LRSAM1: variants seen among roughly 807,000 people sequenced by gnomAD.
The protein encoded by LRSAM1 is leucine rich repeat and sterile alpha motif containing 1.
LRSAM1 carries 96 observed loss-of-function variants against 118.1 expected under a neutral mutation model. That is an observed-to-expected ratio of 0.81 (90% CI 0.69 to 0.96). The LOEUF (loss-of-function observed/expected upper bound fraction) is 0.96, where lower values mean the gene tolerates loss of function less well. Ranked by LOEUF, LRSAM1 falls within the 40% of genes least tolerant of loss-of-function variation. The pLI, the probability that LRSAM1 is intolerant of heterozygous loss-of-function variation, is 0.00. For missense variants in LRSAM1, 804 were observed against 915.5 expected (o/e 0.88, Z 1.57); for synonymous variants, 322 against 364.2 (o/e 0.88, Z 1.32).
Position 127,502,900 on chromosome 9 carries a change from G to A in LRSAM1, c.*1G>A, listed in dbSNP as rs751635583. ...CCTCCGCATCTACCACAGCAGCTGAGTGCTGCCCGCCCACCTGGGCCTGGT... is the reference window on the plus strand; with the variant it reads ...CCTCCGCATCTACCACAGCAGCTGAATGCTGCCCGCCCACCTGGGCCTGGT... On this transcript the variant is annotated 3_prime_UTR_variant, in exon 26 of 26. Transcript: ENST00000300417. 1 of 1,594,664 alleles carries A rather than the reference G, an allele frequency of 6.3e-7. No homozygotes were observed. Among genetic ancestry groups the A allele is most frequent in the South Asian group, 1.1e-5 (1 of 88,558 alleles).
Position 127,501,024 on chromosome 9 carries a change from A to G in LRSAM1, c.1927A>G (p.Met643Val), listed in dbSNP as rs749299326. 5.6e-6 allele frequency: 9 copies of G among 1,613,784 alleles called. No homozygotes were observed. Among genetic ancestry groups the G allele is most frequent in the Admixed American group, 3.3e-5 (2 of 59,992 alleles). Residue 643 changes from methionine to valine, a missense_variant, in exon 25 of 26, where the codon ATG becomes GTG. Met to Val is a conservative substitution (Grantham distance 21). Transcript: ENST00000300417. ...ARIQPELKPP[M>V]GEVVTPTAPQ... ...GGTCCCCACAGAGCTGAAACCACCA[A>G]TGGGTGAGGTCGTCACCCCTACGGC...
intron 4 of LRSAM1, 90 bp from the exon 5 acceptor site, chr9:127,455,486 G>A: frequency 5.2e-6 from 7 of 1,346,474 alleles, no homozygotes; most frequent in Non-Finnish European, 7.5e-6. Context: ...TTCACCTCCT[G>A]CCTGTCTCTT....
intron 11 of LRSAM1, among the ~76,000 whole-genome samples, chr9:127,476,761 G>C (rs1284686686): frequency 6.6e-6 from 1 of 152,000 alleles, no homozygotes; most frequent in South Asian, 2.1e-4. Context: ...TGCAACCTCT[G>C]CCTCTCAGGT....
At chr9:127,479,189 C>G (rs373194876) in intron 12 of LRSAM1, among the ~76,000 whole-genome samples, 194 bp from the exon 13 acceptor site, 1 of 152,132 alleles carries the variant, frequency 6.6e-6, no homozygotes, top group Non-Finnish European at 1.5e-5. Context: ...AGCCCAGCAC[C>G]GGGCTCTAGA....
In LRSAM1 at chr9:127,479,927, C is replaced by G. The variant is rs775480266; in HGVS notation, c.992C>G (p.Thr331Arg). ...CGGCTGCAGGAGCAGCTGAAGCAGA[C>G]GGAACAGAACATTTCCAGCCGGATC... ...RQRLQEQLKQ[T>R]EQNISSRIQK... Residue 331 changes from threonine (T) to arginine (R), a missense_variant, in exon 14 of 26, where the codon ACG (threonine) becomes AGG (arginine). Thr to Arg is a moderately conservative substitution (Grantham distance 71, BLOSUM62 -1). Transcript: ENST00000300417. 1 of 1,614,070 alleles carries G rather than the reference C, an allele frequency of 6.2e-7. No homozygotes were observed. The highest frequency in any genetic ancestry group is 1.3e-5 in the African/African-American group (1 of 74,926).
intron 8 of LRSAM1, 145 bp downstream of exon 8, chr9:127,461,402 T>C: frequency 1.5e-6 from 1 of 669,112 alleles, no homozygotes; most frequent in South Asian, 1.4e-5. Context: ...TGACCCCTGC[T>C]GGGTCAGCTG....
rs762000052 is a variant in LRSAM1, at chr9:127,479,948, G to A, written c.1013G>A (p.Arg338Gln). The change falls in exon 14 of 26, where the codon CGG (arginine) becomes CAG (glutamine). Residue 338 changes from arginine (R) to glutamine (Q), a missense_variant. Transcript: ENST00000300417. ...CAGACGGAACAGAACATTTCCAGCC[G>A]GATCCAGAAGCTGCTGCAGGACAAT... Reference protein sequence around the residue: ...LKQTEQNISSRIQKLLQDNQR... With the variant: ...LKQTEQNISSQIQKLLQDNQR... 1.9e-5 allele frequency: 31 copies of A among 1,614,092 alleles called. No homozygotes were observed. Among genetic ancestry groups the A allele is most frequent in the Admixed American group, 1.2e-4 (7 of 60,012 alleles).
At position 127,463,233 on chromosome 9, in the gene LRSAM1, C is replaced by T. The variant is rs576427643; in HGVS notation, c.528+860C>T. ...AAAAAAAAAAAAAATTCTGAGCAGA[C>T]CTGGATAACAGGGGCAGCCCAGGTG... On this transcript the variant is annotated intron_variant, in intron 9 of 25. Coordinates refer to ENST00000300417, the MANE Select transcript of LRSAM1 (RefSeq NM_001005373.4). Among the ~76,000 whole-genome samples, 122 of 150,830 alleles carry T rather than the reference C, an allele frequency of 8.1e-4. 1 individual carries two copies. The highest frequency in any genetic ancestry group is 2.9e-3 in the African/African-American group (119 of 41,026).
chr9:127,489,409 C>T lies in LRSAM1; in HGVS notation c.1348-35C>T, dbSNP rs751963482. The T allele has an allele frequency of 2.1e-5, 34 of 1,586,282 alleles. No individual in the cohort carries two copies. In the Middle Eastern group the frequency reaches 5.0e-4, roughly 23 times the overall value. On this transcript the variant is annotated intron_variant, in intron 18 of 25. Coordinates refer to ENST00000300417, the MANE Select transcript of LRSAM1 (RefSeq NM_001005373.4). Reference sequence around the variant, plus strand: ...GGGGCTGCAGGGAAAAGTGTGGGCACGGCCCCTGCTGAGGGCTGGTGGTCT... The same window carrying T: ...GGGGCTGCAGGGAAAAGTGTGGGCATGGCCCCTGCTGAGGGCTGGTGGTCT...
chr9:127,472,725 T>A (rs1164747585), intron 10 of LRSAM1, among the ~76,000 whole-genome samples: 1 of 152,226 alleles, frequency 6.6e-6, no homozygotes. Flanking sequence ...ATGCCTTGCT[T>A]TTTTTGTCTC....
chr9:127,481,641 A>G (rs927386795), intron 15 of LRSAM1, among the ~76,000 whole-genome samples: 5 of 152,254 alleles, frequency 3.3e-5, no homozygotes, highest in African/African-American at 1.2e-4. Flanking sequence ...TCACCTCCTT[A>G]GACGATATTT....
chr9:127,491,306 C>T lies in LRSAM1; in HGVS notation c.1503+11C>T. 1 of 1,608,576 alleles carries T rather than the reference C, an allele frequency of 6.2e-7. No individual in the cohort carries two copies. On this transcript the variant is annotated intron_variant, in intron 20 of 25. Transcript: ENST00000300417. ...ACAGAGTCACTCCAGGTATGTAGGG[C>T]TCCCTGCCCCTGCCCTCCTTCACGT...
intron 11 of LRSAM1, among the ~76,000 whole-genome samples, chr9:127,475,569 C>G (rs1359674170): frequency 6.6e-6 from 1 of 152,066 alleles, no homozygotes; most frequent in African/African-American, 2.4e-5. Context: ...TAAGTTAAAA[C>G]AACATTGAAA....
intron 20 of LRSAM1, 50 bp from the exon 21 acceptor site, chr9:127,492,752 C>G: frequency 6.4e-7 from 1 of 1,565,836 alleles, no homozygotes. Flanking sequence ...CTGCGGGACT[C>G]CTGCGCTGCC....
intron 24 of LRSAM1, among the ~76,000 whole-genome samples, chr9:127,500,231 G>C (rs1296384190): frequency 5.3e-5 from 8 of 151,540 alleles, no homozygotes; most frequent in African/African-American, 1.9e-4. Context: ...CGTGATAGTG[G>C]GCACCTGTAA....
chr9:127,497,127 GA>G, intron 23 of LRSAM1, 125 bp from the exon 24 acceptor site: 1 of 967,382 alleles, frequency 1.0e-6, no homozygotes. Flanking sequence ...CCAGGCCCCG[GA>G]AGGCTTCCAC....
At chr9:127,494,210 G>A (rs1442334357) in intron 21 of LRSAM1, among the ~76,000 whole-genome samples, 2 of 152,264 alleles carry the variant, frequency 1.3e-5, no homozygotes. Context: ...GCCCGGGAGG[G>A]CCAACGACGG....
chr9:127,458,072 G>A (rs114966990), intron 6 of LRSAM1, among the ~76,000 whole-genome samples: 348 of 150,142 alleles, frequency 2.3e-3, no homozygotes, highest in African/African-American at 8.1e-3. Flanking sequence ...GGCCTTTTTT[G>A]TGCATTTTCA....
chr9:127,459,174 GC>G, intron 7 of LRSAM1, 103 bp downstream of exon 7: 1 of 1,153,888 alleles, frequency 8.7e-7, no homozygotes, highest in Non-Finnish European at 1.3e-6. Flanking sequence ...GTGGAAGCAG[GC>G]TGCAATCAGT....
Sources: allele counts gnomAD v4.1 joint callset (sites outside exome capture counted in the v4.1 genomes callset), GRCh38; gene constraint gnomAD v4.1.1; transcripts MANE v1.5; gene names NCBI Gene and HGNC (gene_info 2026-07-23, HGNC 2026-07-21).